Variants in MLPH observed in about 807,000 individuals in gnomAD.
MLPH encodes exophilin-3.
Under a neutral mutation model 72.1 loss-of-function variants are expected in MLPH, and 51 were observed. The ratio of observed to expected loss-of-function variants is 0.71; its 90% CI spans 0.56 to 0.89. The LOEUF is 0.89. Among genes scored for constraint, MLPH ranks in the 40% least tolerant of loss-of-function variants. The pLI is 0.00. For missense variants in MLPH, 743 were observed against 759.9 expected, an observed-to-expected ratio of 0.98 and a Z score of 0.26; for synonymous variants, 301 against 310.1, an observed-to-expected ratio of 0.97 and a Z score of 0.31.
At chr2:237,506,723 C>T (rs2079780184) in intron 2 of MLPH, among the ~76,000 whole-genome samples, 1 of 152,192 alleles carries the variant, frequency 6.6e-6, no homozygotes, top group Admixed American at 6.5e-5. Context: ...GGGTGTGGCG[C>T]TGGGCTGTCT....
chr2:237,490,336 AAAAG>A (rs1034537407), intron 1 of MLPH, among the ~76,000 whole-genome samples: 3 of 152,124 alleles, frequency 2.0e-5, no homozygotes, highest in Non-Finnish European at 4.4e-5. Context: ...CTAAAAAAAA[AAAAG>A]AAAGAAAACC....
chr2:237,553,404 C>T (rs11901651), intron 15 of MLPH, among the ~76,000 whole-genome samples, 162 bp from the exon 16 acceptor site: 7 of 152,200 alleles, frequency 4.6e-5, no homozygotes, highest in African/African-American at 1.4e-4. Context: ...ATTCTCTTGC[C>T]TCACATGCAT....
intron 12 of MLPH, 141 bp from the exon 13 acceptor site, chr2:237,546,465 T>G (rs2080920341): frequency 1.3e-6 from 1 of 741,886 alleles, no homozygotes; most frequent in Non-Finnish European, 2.4e-6. Flanking sequence ...AGCGGCATAC[T>G]GGGGGTGGCT....
chr2:237,509,939 G>A (rs1268705842), intron 2 of MLPH: 1 of 154,852 alleles, frequency 6.5e-6, no homozygotes, highest in Non-Finnish European at 1.4e-5. Context: ...ACGTTTGGCA[G>A]ACATTCTCTG....
intron 12 of MLPH, among the ~76,000 whole-genome samples, chr2:237,542,926 A>G (rs1483854221): frequency 9.4e-5 from 2 of 21,276 alleles, no homozygotes; most frequent in Admixed American, 6.4e-4. Context: ...GTGAGTGGGG[A>G]CAGTGGTGAG....
Position 237,554,077 on chromosome 2 carries a change from C to A in MLPH, c.*485C>A. On this transcript the variant is annotated 3_prime_UTR_variant, in exon 16 of 16. Coordinates refer to ENST00000264605, the MANE Select transcript of MLPH (RefSeq NM_024101.7). ...CTTGTGGGTGTGACTGGATATTAGA[C>A]ATCCGGACAAGTGACTGAACTAATG... The A allele has an allele frequency of 3.4e-6, 1 of 296,310 alleles. No individual in the cohort carries two copies. The highest frequency in any genetic ancestry group is 6.6e-6 in the Non-Finnish European group (1 of 150,400). The allele number at this position is 296,310 out of a possible 1,614,324, so 18.4% of individuals were successfully genotyped here.
intron 4 of MLPH, chr2:237,518,253 T>C (rs2080095134): frequency 3.9e-6 from 2 of 515,464 alleles, no homozygotes; most frequent in Non-Finnish European, 7.3e-6. Flanking sequence ...GTGGATGGAT[T>C]GATGCATGGA....
intron 13 of MLPH, among the ~76,000 whole-genome samples, chr2:237,548,523 A>T (rs562939386): frequency 6.6e-6 from 1 of 152,346 alleles, no homozygotes; most frequent in Admixed American, 6.5e-5. Context: ...ATCCCTGTAA[A>T]GAGAGCTACA....
chr2:237,546,635 T>C lies in MLPH; in HGVS notation c.1569T>C (p.Leu523=). The change falls in exon 13 of 16, where the codon CTT becomes CTC. Residue 523 remains leucine (L), a synonymous_variant. Coordinates refer to ENST00000264605, the MANE Select transcript of MLPH (RefSeq NM_024101.7). ...PIFLPRVAGK[L]GKRPEDPNAD... ...TTCTCCCTCGAGTGGCTGGGAAACT[T>C]GGCAAGAGACCAGAGGACCCAAATG... The C allele has an allele frequency of 6.2e-7, 1 of 1,614,200 alleles. No homozygotes were observed. The highest frequency in any genetic ancestry group is 8.5e-7 in the Non-Finnish European group (1 of 1,180,038).
intron 9 of MLPH, among the ~76,000 whole-genome samples, chr2:237,536,204 C>A (rs1264338424): frequency 6.6e-6 from 1 of 152,268 alleles, no homozygotes; most frequent in East Asian, 1.9e-4. Context: ...CCAAGTTAGA[C>A]CCCAAGGGCT....
At chr2:237,528,837 G>A (rs1366912293) in intron 8 of MLPH, among the ~76,000 whole-genome samples, 1 of 152,186 alleles carries the variant, frequency 6.6e-6, no homozygotes, top group Non-Finnish European at 1.5e-5. Context: ...GACATTTCAT[G>A]TAAATGGACT....
intron 1 of MLPH, among the ~76,000 whole-genome samples, chr2:237,490,561 C>G (rs1310472466): frequency 6.6e-6 from 1 of 152,106 alleles, no homozygotes; most frequent in Non-Finnish European, 1.5e-5. Flanking sequence ...CAAACTGAGG[C>G]CTGGAATTTT....
At chr2:237,549,486 C>T (rs752651397) in intron 14 of MLPH, among the ~76,000 whole-genome samples, 2 of 152,146 alleles carry the variant, frequency 1.3e-5, no homozygotes, top group Non-Finnish European at 1.5e-5. Context: ...CTGCTTTAAG[C>T]GTGCAAAGGG....
intron 6 of MLPH, among the ~76,000 whole-genome samples, chr2:237,524,321 A>ATATATATATATATATATATATATAT (rs1559357447): frequency 4.1e-4 from 60 of 146,136 alleles, no homozygotes; most frequent in African/African-American, 1.5e-3. Flanking sequence ...ATATATATAT[A>ATATATATATATATATATATATATAT]AAGGGGAGTT....
chr2:237,493,762 A>G (rs2079477477), intron 2 of MLPH, among the ~76,000 whole-genome samples: 1 of 152,198 alleles, frequency 6.6e-6, no homozygotes, highest in Non-Finnish European at 1.5e-5. Flanking sequence ...TTTTATTTCA[A>G]CTTGACCCAG....
rs1188114656 is a variant in MLPH, at chr2:237,510,946, AC to A, written c.333-42del. On this transcript the variant is annotated intron_variant, in intron 3 of 15. Coordinates refer to ENST00000264605, the MANE Select transcript of MLPH (RefSeq NM_024101.7). This position sits in a 1 kb window ranked among gnomAD's most constrained non-coding sequence, Gnocchi z 4.4. ...GTGTGAGATTTATGCAGGCCTGTGT[AC>A]AGCACTCAGGCAGTGCCATGAGCCT... The A allele has an allele frequency of 6.4e-7, 1 of 1,555,772 alleles. No individual in the cohort carries two copies. Among genetic ancestry groups the A allele is most frequent in the Non-Finnish European group, 8.9e-7 (1 of 1,127,740 alleles).
chr2:237,540,700 C>G lies in MLPH; in HGVS notation c.1291-102C>G, dbSNP rs911830852. 1.0e-5 allele frequency: 16 copies of G among 1,538,248 alleles called. No individual in the cohort carries two copies. The Admixed American group carries it at 3.0e-4, about 29-fold the overall frequency. On this transcript the variant is annotated intron_variant, in intron 10 of 15. Coordinates refer to ENST00000264605, the MANE Select transcript of MLPH (RefSeq NM_024101.7). ...TGGCCGGCTCCTGACCAACCAGCTC[C>G]CAGGGTTCAGAGAGGAGAGCAATAT...
chr2:237,542,671 GCAGTGGTGAGTGGAGA>G lies in MLPH; in HGVS notation c.1539+18_1539+33del. On this transcript the variant is annotated intron_variant, in intron 12 of 15. Transcript: ENST00000264605. ...AGTCAAACCTCCCGGTGAGTGGGGG[GCAGTGGTGAGTGGAGA>G]CAGTGCTGAGTGGGGGGGCAGTGGT... The G allele has an allele frequency of 2.0e-6, 3 of 1,518,350 alleles. No individual in the cohort carries two copies. The highest frequency in any genetic ancestry group is 1.2e-5 in the South Asian group (1 of 83,806). 94.1% of individuals were successfully genotyped at this position (1,518,350 alleles called of 1,614,324 possible). A position where few individuals can be genotyped will look rare whatever the true frequency, so the allele number is the denominator to read the frequency against.
intron 12 of MLPH, among the ~76,000 whole-genome samples, chr2:237,545,216 T>TGGGGACAGTGGTTAGTGG (rs2080885695): frequency 2.4e-5 from 1 of 42,432 alleles, no homozygotes; most frequent in African/African-American, 1.9e-4. Context: ...CAGTGGTGAG[T>TGGGGACAGTGGTTAGTGG]GGGGACAGTG....
Sources: gnomAD v4.1 joint callset for allele counts (sites outside exome capture counted in the v4.1 genomes callset) on GRCh38, gnomAD v4.1.1 for gene constraint, Gnocchi (gnomAD v3.1) non-coding constraint, MANE v1.5 for transcripts, NCBI Gene and HGNC (gene_info 2026-07-23, HGNC 2026-07-21) for gene names.